NLRP8: variants seen among roughly 807,000 people sequenced by gnomAD.
NLRP8 encodes NACHT, LRR and PYD domains-containing protein 8.
In NLRP8, 86 loss-of-function variants were observed where a neutral mutation model predicts 88.7. That is an observed-to-expected ratio of 0.97 (90% CI 0.81 to 1.16). The LOEUF is 1.16. Among genes scored for constraint, NLRP8 ranks in the 50% most tolerant of loss-of-function variants. The pLI, the probability that NLRP8 is intolerant of heterozygous loss-of-function variation, is 0.00. For missense variants in NLRP8, 1,342 were observed against 1,286.5 expected (o/e 1.04, Z -0.66); for synonymous variants, 504 against 494.6 (o/e 1.02, Z -0.25).
At chr19:55,971,420 G>A (rs1273492728) in intron 6 of NLRP8, among the ~76,000 whole-genome samples, 1 of 121,132 alleles carries the variant, frequency 8.3e-6, no homozygotes, top group African/African-American at 3.2e-5. Context: ...CAGCCTGAAT[G>A]ACAGAGTGAG....
chr19:55,980,689 CAG>C (rs1315503310), intron 9 of NLRP8, among the ~76,000 whole-genome samples: 23 of 152,104 alleles, frequency 1.5e-4, no homozygotes, highest in African/African-American at 5.3e-4. Flanking sequence ...GAGATGGTGG[CAG>C]AGAGAGATGA....
chr19:55,953,682 T>C (rs575766102), intron 2 of NLRP8, among the ~76,000 whole-genome samples: 624 of 151,494 alleles, frequency 4.1e-3, no homozygotes, highest in Non-Finnish European at 6.8e-3. Context: ...GTATGTTTAG[T>C]AGAGATGGGG....
At chr19:55,972,302 A>C (rs1980109867) in intron 6 of NLRP8, among the ~76,000 whole-genome samples, 1 of 151,694 alleles carries the variant, frequency 6.6e-6, no homozygotes, top group Non-Finnish European at 1.5e-5. Context: ...TTTAGTAGAC[A>C]CGGGGTTTTG....
chr19:55,981,220 C>T (rs1980558985), intron 9 of NLRP8, among the ~76,000 whole-genome samples, 62 bp downstream of exon 10: 1 of 92,488 alleles, frequency 1.1e-5, no homozygotes, highest in African/African-American at 4.0e-5. Flanking sequence ...TCTGGTGGCC[C>T]TCTGGGTATT....
At chr19:55,963,878 G>A (rs1024984687) in intron 4 of NLRP8, among the ~76,000 whole-genome samples, 21 of 152,058 alleles carry the variant, frequency 1.4e-4, no homozygotes, top group Non-Finnish European at 2.5e-4. Context: ...ATGTAAGAGT[G>A]AGCGTGTATG....
At position 55,947,912 on chromosome 19, in the gene NLRP8, G is replaced by A. The variant is rs759558412; in HGVS notation, c.10G>A (p.Val4Met). 36 of 1,609,910 alleles carry A rather than the reference G, an allele frequency of 2.2e-5. No homozygotes were observed. Among genetic ancestry groups the A allele is most frequent in the East Asian group, 6.7e-5 (3 of 44,818 alleles). The stretch of plus-strand genomic sequence containing the variant: ...TCTGCCTTGACTAAAGATGAGTGAC[G>A]TGAATCCACCCTCTGACACCCCCAT... The change falls in exon 1 of 10, where the codon GTG becomes ATG. Residue 4 changes from valine (V) to methionine (M), a missense_variant. Coordinates refer to ENST00000291971, the MANE Select transcript of NLRP8 (RefSeq NM_176811.2).
chr19:55,972,692 T>G (rs961623988), intron 6 of NLRP8, among the ~76,000 whole-genome samples: 2 of 151,952 alleles, frequency 1.3e-5, no homozygotes, highest in Non-Finnish European at 2.9e-5. Context: ...TGGTTTCCAT[T>G]CCTGAGTTAC....
At chr19:55,963,681 C>G (rs559195484) in intron 4 of NLRP8, among the ~76,000 whole-genome samples, 1 of 152,076 alleles carries the variant, frequency 6.6e-6, no homozygotes, top group Non-Finnish European at 1.5e-5. Context: ...TCTCGAGTAG[C>G]TGGGGCCACA....
intron 6 of NLRP8, 86 bp from the exon 7 acceptor site, chr19:55,973,563 AGAG>A: frequency 8.0e-7 from 1 of 1,247,644 alleles, no homozygotes; most frequent in East Asian, 2.4e-5. Flanking sequence ...TTCTGCATCC[AGAG>A]GGAGAGCCCT....
chr19:55,968,603 G>T (rs1316617652), intron 5 of NLRP8, among the ~76,000 whole-genome samples: 1 of 151,802 alleles, frequency 6.6e-6, no homozygotes, highest in Non-Finnish European at 1.5e-5. Flanking sequence ...AGCCAGTTGT[G>T]GTGGCTCACA....
chr19:55,958,817 C>T (rs1417850045), intron 3 of NLRP8, among the ~76,000 whole-genome samples: 2 of 152,118 alleles, frequency 1.3e-5, no homozygotes, highest in African/African-American at 2.4e-5. Context: ...TGCCAAAGTG[C>T]GGGGATTACA....
In NLRP8 at chr19:55,973,632, T is replaced by G; in HGVS notation, c.2535-20T>G. 1 of 1,576,580 alleles carries G rather than the reference T, an allele frequency of 6.3e-7. No homozygotes were observed. ...AAAGACCCCTCTCCATTCAGTCATC[T>G]GTGTGCTTCTCTCCCATAGGATAGA... On this transcript the variant is annotated intron_variant, in intron 6 of 9. Coordinates refer to ENST00000291971, the MANE Select transcript of NLRP8 (RefSeq NM_176811.2).
intron 3 of NLRP8, among the ~76,000 whole-genome samples, chr19:55,957,583 G>A (rs1051462116): frequency 6.6e-6 from 1 of 151,024 alleles, no homozygotes; most frequent in Non-Finnish European, 1.5e-5. Context: ...CTACTCGGGA[G>A]GCTGAGGCAG....
chr19:55,964,406 T>C (rs1979745379), intron 4 of NLRP8, among the ~76,000 whole-genome samples: 1 of 152,214 alleles, frequency 6.6e-6, no homozygotes, highest in African/African-American at 2.4e-5. Context: ...AACTCAGTTC[T>C]GAATTCCATG....
In NLRP8 at chr19:55,948,144, G is replaced by A; in HGVS notation, c.242G>A (p.Trp81Ter). Residue 81 changes from tryptophan to a stop codon, truncating the protein, a stop_gained, in exon 1 of 10, where the codon TGG becomes TAG. Coordinates refer to ENST00000291971, the MANE Select transcript of NLRP8 (RefSeq NM_176811.2). LOFTEE classifies it high-confidence loss of function. ...TGGGACCAGGTCGAGACAGCCAGCT[G>A]GGCAGAGGTGGTTCATCTCTTGATA... The A allele has an allele frequency of 1.2e-6, 2 of 1,614,180 alleles. No individual in the cohort carries two copies. Among genetic ancestry groups the A allele is most frequent in the East Asian group, 4.5e-5 (2 of 44,872 alleles).
Position 55,954,717 on chromosome 19 carries a change from C to A in NLRP8, c.659C>A (p.Ala220Asp), listed in dbSNP as rs758502415. Reference sequence around the variant, plus strand: ...CCTGGGATCGGAAAAACAATCCTGGCCAAAAAGGTGATGTTTGAGTGGGCC... The same window carrying A: ...CCTGGGATCGGAAAAACAATCCTGGACAAAAAGGTGATGTTTGAGTGGGCC... The change falls in exon 3 of 10, where the codon GCC (alanine) becomes GAC (aspartate). Residue 220 changes from alanine (A) to aspartate (D), a missense_variant. Transcript: ENST00000291971. 21 of 1,613,946 alleles carry A rather than the reference C, an allele frequency of 1.3e-5. No homozygotes were observed. Among genetic ancestry groups the A allele is most frequent in the Non-Finnish European group, 1.8e-5 (21 of 1,180,022 alleles).
At chr19:55,983,564 C>T (rs1659526156) in intron 9 of NLRP8, among the ~76,000 whole-genome samples, 1 of 150,716 alleles carries the variant, frequency 6.6e-6, no homozygotes, top group South Asian at 2.1e-4. Context: ...ACTCGATGTA[C>T]TCACATGAGT....
intron 3 of NLRP8, among the ~76,000 whole-genome samples, chr19:55,958,222 C>A (rs571014812): frequency 4.6e-5 from 7 of 152,234 alleles, no homozygotes; most frequent in African/African-American, 1.7e-4. Flanking sequence ...AACTGCTCTG[C>A]GAAAAGGAAC....
Position 55,952,404 on chromosome 19 carries a change from C to T in NLRP8, c.368-134C>T, listed in dbSNP as rs528464268. 54 of 661,854 alleles carry T rather than the reference C, an allele frequency of 8.2e-5. No homozygotes were observed. The East Asian group carries it at 1.1e-3, about 13-fold the overall frequency. 41.0% of individuals were successfully genotyped at this position (661,854 alleles called of 1,614,324 possible). On this transcript the variant is annotated intron_variant, in intron 1 of 9. Coordinates refer to ENST00000291971, the MANE Select transcript of NLRP8 (RefSeq NM_176811.2). ...TCTAGGTGATTTTCTTCTCCCTGAA[C>T]GGAGGTGGTGAGAGGATGAGACTCT...
Sources: allele counts gnomAD v4.1 joint callset (sites outside exome capture counted in the v4.1 genomes callset), GRCh38; gene constraint gnomAD v4.1.1; transcripts MANE v1.5; gene names NCBI Gene and HGNC (gene_info 2026-07-23, HGNC 2026-07-21).